The following AQR variants were observed in gnomAD, a reference collection of about 807,000 sequenced individuals.
AQR encodes the protein aquarius intron-binding spliceosomal factor.
In AQR, 61 loss-of-function variants were observed where a neutral mutation model predicts 180.5. The observed-to-expected ratio is 0.34, with a 90% CI of 0.28 to 0.42. AQR has a LOEUF of 0.42. Ranked by LOEUF, AQR falls within the 10% of genes least tolerant of loss-of-function variation. The probability of loss-of-function intolerance (pLI) is 1.00; values close to 1 mark genes in which losing one functional copy is unlikely to be tolerated. For synonymous variants in AQR, 551 were observed against 588.8 expected (o/e 0.94, Z 0.93); for missense variants, 1,281 against 1,798.3 (o/e 0.71, Z 5.20).
At chr15:34,919,254 A>G (rs1328096473) in intron 14 of AQR, among the ~76,000 whole-genome samples, 1 of 143,306 alleles carries the variant, frequency 7.0e-6, no homozygotes, top group Non-Finnish European at 1.6e-5. Flanking sequence ...AAAAAAAAAA[A>G]GAAAGAAAAA....
intron 9 of AQR, among the ~76,000 whole-genome samples, chr15:34,937,141 C>T (rs1893956449): frequency 6.6e-6 from 1 of 152,080 alleles, no homozygotes; most frequent in African/African-American, 2.4e-5. Flanking sequence ...GGGTTCACAC[C>T]ATTCTCCTGC....
intron 13 of AQR, among the ~76,000 whole-genome samples, chr15:34,926,458 T>C (rs905169814): frequency 9.9e-5 from 15 of 152,206 alleles, no homozygotes; most frequent in African/African-American, 3.6e-4. Context: ...TTACTTGCTG[T>C]GTAACCTAGG....
chr15:34,884,788 C>A, intron 25 of AQR, 54 bp from the exon 26 acceptor site: 1 of 1,321,576 alleles, frequency 7.6e-7, no homozygotes. Context: ...TGTTTTAAAG[C>A]ATAAAATGAA....
chr15:34,940,236 A>G (rs2140496554), intron 8 of AQR, among the ~76,000 whole-genome samples: 1 of 152,360 alleles, frequency 6.6e-6, no homozygotes, highest in South Asian at 2.1e-4. Flanking sequence ...CCTTGTAAGA[A>G]GTTTAGAGTT....
At chr15:34,923,279 TG>T (rs1264910391) in intron 13 of AQR, among the ~76,000 whole-genome samples, 1 of 152,204 alleles carries the variant, frequency 6.6e-6, no homozygotes, top group Admixed American at 6.5e-5. Flanking sequence ...ACTGGGGTTC[TG>T]GAACACATCC....
intron 7 of AQR, 42 bp from the exon 8 acceptor site, chr15:34,941,041 GT>G: frequency 7.3e-7 from 1 of 1,367,152 alleles, no homozygotes; most frequent in Non-Finnish European, 1.0e-6. Context: ...TAGCCTCAAA[GT>G]TTACAAGGAT....
intron 5 of AQR, among the ~76,000 whole-genome samples, chr15:34,945,343 T>C (rs1261617864): frequency 6.6e-6 from 1 of 152,232 alleles, no homozygotes; most frequent in Non-Finnish European, 1.5e-5. Flanking sequence ...AATGGCACCA[T>C]CATATATTAT....
At chr15:34,882,476 A>AC (rs1485449570) in intron 27 of AQR, 26 bp downstream of exon 27, 8 of 1,452,804 alleles carry the variant, frequency 5.5e-6, no homozygotes, top group South Asian at 1.5e-5. Context: ...AAAAAAAAAA[A>AC]AAAAAAAACT....
intron 21 of AQR, 24 bp from the exon 22 acceptor site, chr15:34,896,990 G>A: frequency 1.3e-6 from 2 of 1,570,896 alleles, no homozygotes; most frequent in Non-Finnish European, 1.8e-6. Flanking sequence ...TAAATAAAAA[G>A]TTGGTACAGA....
chr15:34,912,602 G>T (rs946495943), intron 16 of AQR, among the ~76,000 whole-genome samples: 1 of 151,350 alleles, frequency 6.6e-6, no homozygotes, highest in African/African-American at 2.4e-5. Context: ...CTCCTTTAGA[G>T]CATATTTAAA....
intron 6 of AQR, among the ~76,000 whole-genome samples, chr15:34,942,650 C>G (rs548462175): frequency 1.3e-5 from 2 of 152,276 alleles, no homozygotes; most frequent in African/African-American, 4.8e-5. Context: ...GTGCTGTTGG[C>G]AGTGAGTTCA....
intron 16 of AQR, among the ~76,000 whole-genome samples, chr15:34,914,737 A>G (rs1893555833): frequency 6.6e-6 from 1 of 152,118 alleles, no homozygotes; most frequent in South Asian, 2.1e-4. Flanking sequence ...TCGGCCTTTA[A>G]GTAAGGTCTG....
intron 31 of AQR, 78 bp downstream of exon 31, chr15:34,870,674 A>G (rs2140461457): frequency 8.2e-7 from 1 of 1,221,766 alleles, no homozygotes; most frequent in South Asian, 2.0e-5. Context: ...GATAGCAAAG[A>G]GGCAAAGCAG....
intron 5 of AQR, among the ~76,000 whole-genome samples, chr15:34,946,470 A>C (rs550321623): frequency 2.2e-5 from 2 of 91,500 alleles, no homozygotes; most frequent in Non-Finnish European, 4.3e-5. Flanking sequence ...CGCCCCGTCC[A>C]GGAGGGAGGT....
rs1892555499 is a variant in AQR, at chr15:34,854,183, A to T, written c.*2609T>A. On this transcript the variant is annotated 3_prime_UTR_variant, in exon 35 of 35. Coordinates refer to ENST00000156471, the MANE Select transcript of AQR (RefSeq NM_014691.3). ...AAAAAAAAAAAAAAAAGAAGAAGAA[A>T]TTCTAAATACTTGAATTGCTTCATT... The T allele has an allele frequency of 6.7e-6, 1 of 150,156 alleles. No homozygotes were observed. The highest frequency in any genetic ancestry group is 2.4e-5 in the African/African-American group (1 of 40,976). 9.3% of individuals were successfully genotyped at this position (150,156 alleles called of 1,614,324 possible).
At position 34,958,712 on chromosome 15, in the gene AQR, G is replaced by A. The variant is rs1033458137; in HGVS notation, c.173+2062C>T. 8.5e-5 allele frequency among the ~76,000 whole-genome samples: 13 copies of A among 152,244 alleles called. 3 individuals are homozygous for A. The highest frequency in any genetic ancestry group is 2.6e-4 in the Admixed American group (4 of 15,278). On this transcript the variant is annotated intron_variant, in intron 3 of 34. Transcript: ENST00000156471. ...CACTGGAGTGAAAATCTATTCTGAA[G>A]ATTCAAAATAATTTTCAAACTAGTA...
chr15:34,857,186 G>T, intron 34 of AQR, 80 bp from the exon 35 acceptor site: 1 of 1,354,494 alleles, frequency 7.4e-7, no homozygotes, highest in African/African-American at 1.5e-5. Flanking sequence ...TACCATTCTA[G>T]AGTTCTCCAA....
At chr15:34,884,892 G>T (rs1333171898) in intron 25 of AQR, among the ~76,000 whole-genome samples, 158 bp from the exon 26 acceptor site, 1 of 152,080 alleles carries the variant, frequency 6.6e-6, no homozygotes, top group Non-Finnish European at 1.5e-5. Flanking sequence ...TCCTGTAACT[G>T]ACAGATTGCT....
rs142355995 is a variant in AQR, at chr15:34,926,351, A to G, written c.1118+684T>C. ...ATTTTAAATAGTCAAGGAACTAAAC[A>G]TAATTTATCCCAAGAGCTGGGAGAT... is the stretch of plus-strand genomic sequence containing the variant. On this transcript the variant is annotated intron_variant, in intron 13 of 34. Transcript: ENST00000156471. Among the ~76,000 whole-genome samples the G allele has an allele frequency of 6.5e-3, 997 of 152,346 alleles. 11 individuals carry two copies. The highest frequency in any genetic ancestry group is 0.023 in the African/African-American group (948 of 41,576).
Sources: gnomAD v4.1 joint callset for allele counts (sites outside exome capture counted in the v4.1 genomes callset) on GRCh38, gnomAD v4.1.1 for gene constraint, MANE v1.5 for transcripts, NCBI Gene and HGNC (gene_info 2026-07-23, HGNC 2026-07-21) for gene names.